The following SRD5A1 variants were observed in gnomAD, a reference collection of about 807,000 sequenced individuals.
The protein encoded by SRD5A1 is 3-oxo-5-alpha-steroid 4-dehydrogenase 1.
SRD5A1 carries 22 observed loss-of-function variants against 28.2 expected under a neutral mutation model. The observed-to-expected ratio is 0.78, with a 90% confidence interval of 0.56 to 1.12. The LOEUF is 1.12. SRD5A1 is among the 50% of genes most tolerant of loss of function. The pLI is 0.00. For missense variants in SRD5A1, 300 were observed against 346.7 expected (o/e 0.87, Z 1.07); for synonymous variants, 151 against 135.0 (o/e 1.12, Z -0.82).
At chr5:6,645,512 G>A (rs573663666) in intron 1 of SRD5A1, among the ~76,000 whole-genome samples, 10 of 152,032 alleles carry the variant, frequency 6.6e-5, no homozygotes, top group Non-Finnish European at 1.3e-4. Context: ...GGTAACACAT[G>A]CCTGTAATCC....
chr5:6,656,792 G>A (rs1480497799), intron 3 of SRD5A1, among the ~76,000 whole-genome samples: 1 of 152,146 alleles, frequency 6.6e-6, no homozygotes, highest in Non-Finnish European at 1.5e-5. Context: ...AGATCCCCAA[G>A]GGGATGTGCA....
intron 1 of SRD5A1, among the ~76,000 whole-genome samples, chr5:6,648,292 T>G (rs1738567435): frequency 1.3e-5 from 2 of 152,318 alleles, no homozygotes; most frequent in African/African-American, 4.8e-5. Flanking sequence ...CTTTGTGGTG[T>G]TCTCTGTATT....
At chr5:6,659,921 G>A (rs1220478561) in intron 3 of SRD5A1, among the ~76,000 whole-genome samples, 2 of 152,172 alleles carry the variant, frequency 1.3e-5, no homozygotes, top group Admixed American at 6.5e-5. Flanking sequence ...TTTGCAGGGC[G>A]TTTTCATGTG....
intron 1 of SRD5A1, among the ~76,000 whole-genome samples, chr5:6,644,511 C>A (rs1017224636): frequency 2.6e-5 from 4 of 152,174 alleles, no homozygotes; most frequent in Admixed American, 6.6e-5. Context: ...ACCGGTGTCC[C>A]TTTTGCTCTT....
At chr5:6,649,698 A>G (rs1368037709) in intron 1 of SRD5A1, among the ~76,000 whole-genome samples, 2 of 151,844 alleles carry the variant, frequency 1.3e-5, no homozygotes, top group African/African-American at 4.8e-5. Flanking sequence ...AAATCCCTTG[A>G]CCCCTTGCAC....
At chr5:6,638,810 C>G (rs1738276822) in intron 1 of SRD5A1, among the ~76,000 whole-genome samples, 1 of 152,172 alleles carries the variant, frequency 6.6e-6, no homozygotes, top group African/African-American at 2.4e-5. Flanking sequence ...TTTCAAAAGT[C>G]TTTTACAGAA....
At chr5:6,634,789 C>A (rs1424160253) in intron 1 of SRD5A1, among the ~76,000 whole-genome samples, 1 of 152,146 alleles carries the variant, frequency 6.6e-6, no homozygotes, top group Non-Finnish European at 1.5e-5. Context: ...AATCTTCAAG[C>A]CTTCTAATAA....
chr5:6,649,539 GGGCTCCA>G (rs1385365738), intron 1 of SRD5A1, among the ~76,000 whole-genome samples: 6 of 152,208 alleles, frequency 3.9e-5, no homozygotes, highest in Non-Finnish European at 8.8e-5. Flanking sequence ...TTAGCTTTCT[GGGCTCCA>G]TCGGCATGGG....
Position 6,656,017 on chromosome 5 carries a change from G to A in SRD5A1, c.461-61G>A, listed in dbSNP as rs536378114. The A allele has an allele frequency of 5.1e-4, 639 of 1,246,888 alleles. 1 individual carries two copies. The highest frequency in any genetic ancestry group is 6.8e-4 in the Non-Finnish European group (581 of 848,892). 77.2% of individuals were successfully genotyped at this position (1,246,888 alleles called of 1,614,324 possible). A position where few individuals can be genotyped will look rare whatever the true frequency, so the allele number is the denominator to read the frequency against. ...CAATAATACTGTTCAGTCAGGCTGGGGCTCGTAGTGAAATTTTACGGTTTA... is the reference window on the plus strand; with the variant it reads ...CAATAATACTGTTCAGTCAGGCTGGAGCTCGTAGTGAAATTTTACGGTTTA... On this transcript the variant is annotated intron_variant, in intron 2 of 4. Transcript: ENST00000274192.
chr5:6,666,971 T>C (rs3797177), intron 4 of SRD5A1, among the ~76,000 whole-genome samples: 29,593 of 152,240 alleles, frequency 0.19, 3,418 homozygotes, highest in African/African-American at 0.33. Flanking sequence ...GGCGCTCACC[T>C]GCTATGTCAC....
intron 1 of SRD5A1, among the ~76,000 whole-genome samples, chr5:6,634,714 A>G (rs1738125599): frequency 6.6e-6 from 1 of 152,246 alleles, no homozygotes; most frequent in Non-Finnish European, 1.5e-5. Flanking sequence ...CGAAGTCTTA[A>G]AGATGACTTC....
At chr5:6,662,039 A>C (rs1461224634) in intron 3 of SRD5A1, among the ~76,000 whole-genome samples, 1 of 151,428 alleles carries the variant, frequency 6.6e-6, no homozygotes, top group Non-Finnish European at 1.5e-5. Flanking sequence ...CCTTCTCCCC[A>C]CCCCTCATCT....
rs183304668 is a variant in SRD5A1, at chr5:6,635,347, A to C, written c.293+1478A>C. Among the ~76,000 whole-genome samples, 177 of 152,262 alleles carry C rather than the reference A, an allele frequency of 1.2e-3. 3 individuals are homozygous for C. The highest frequency in any genetic ancestry group is 3.9e-3 in the African/African-American group (164 of 41,542). ...TTGGAATGGGATCAACCATTGCTAC[A>C]ATTTGAATATTAGTCAGACTTTGCT... On this transcript the variant is annotated intron_variant, in intron 1 of 4. Coordinates refer to ENST00000274192, the MANE Select transcript of SRD5A1 (RefSeq NM_001047.4).
intron 1 of SRD5A1, among the ~76,000 whole-genome samples, chr5:6,639,076 A>G (rs1738284947): frequency 1.3e-5 from 2 of 152,232 alleles, no homozygotes; most frequent in South Asian, 4.1e-4. Context: ...ACGCTTTGAG[A>G]GTCAAATCAT....
At chr5:6,667,484 T>C (rs1739220389) in intron 4 of SRD5A1, among the ~76,000 whole-genome samples, 1 of 152,204 alleles carries the variant, frequency 6.6e-6, no homozygotes, top group African/African-American at 2.4e-5. Context: ...TTTTAGTCTG[T>C]TGTTTAATCT....
chr5:6,638,728 A>G (rs192752856), intron 1 of SRD5A1, among the ~76,000 whole-genome samples: 1 of 152,368 alleles, frequency 6.6e-6, no homozygotes, highest in Admixed American at 6.5e-5. Flanking sequence ...TAGGATGATG[A>G]AAAGTGAAAT....
chr5:6,651,426 G>A (rs1009215432), intron 1 of SRD5A1, among the ~76,000 whole-genome samples: 23 of 152,286 alleles, frequency 1.5e-4, no homozygotes, highest in Non-Finnish European at 2.8e-4. Flanking sequence ...GGGACAACAA[G>A]GCAGGAAGAT....
intron 1 of SRD5A1, among the ~76,000 whole-genome samples, chr5:6,635,690 C>T (rs558902645): frequency 6.6e-6 from 1 of 152,338 alleles, no homozygotes; most frequent in African/African-American, 2.4e-5. Context: ...CAGACATGTA[C>T]TCTGTGTGTC....
chr5:6,654,167 C>G (rs1195523493), intron 2 of SRD5A1, among the ~76,000 whole-genome samples: 1 of 152,046 alleles, frequency 6.6e-6, no homozygotes, highest in Non-Finnish European at 1.5e-5. Context: ...ATTCTCCTGC[C>G]TCAGCCTCCC....
Sources: gnomAD v4.1 joint callset for allele counts (sites outside exome capture counted in the v4.1 genomes callset) on GRCh38, gnomAD v4.1.1 for gene constraint, MANE v1.5 for transcripts, NCBI Gene and HGNC (gene_info 2026-07-23, HGNC 2026-07-21) for gene names.